GRB2: variants seen among roughly 807,000 people sequenced by gnomAD.
GRB2 encodes the protein growth factor receptor bound protein 2, also known as growth factor receptor-bound protein 2.
In GRB2, 2 loss-of-function variants were observed where a neutral mutation model predicts 27.4. The ratio of observed to expected loss-of-function variants is 0.07; its 90% confidence interval spans 0.03 to 0.23. GRB2 has a LOEUF of 0.23. Ranked by LOEUF, GRB2 falls within the 10% of genes least tolerant of loss-of-function variation. GRB2 has a pLI of 1.00. For synonymous variants in GRB2, 94 were observed against 99.6 expected (o/e 0.94, Z 0.33); for missense variants, 102 against 282.4 (o/e 0.36, Z 4.58).
In GRB2 at chr17:75,405,560, G is replaced by A. The variant is rs2079094786; in HGVS notation, c.-209C>T. 1 of 155,708 alleles carries A rather than the reference G, an allele frequency of 6.4e-6. No individual in the cohort carries two copies. The allele number at this position is 155,708 out of a possible 1,614,324, so 9.6% of individuals were successfully genotyped here. A position where few individuals can be genotyped will look rare whatever the true frequency, so the allele number is the denominator to read the frequency against. ...GCTGCGAGCGGCCGGCGACCCCAAG[G>A]CTGCTCTGCGAGGGCAGCGCTTGCT... On this transcript the variant is annotated 5_prime_UTR_variant, in exon 1 of 6. Transcript: ENST00000316804.
intron 3 of GRB2, among the ~76,000 whole-genome samples, chr17:75,330,339 G>A (rs1653229103): frequency 6.6e-6 from 1 of 151,526 alleles, no homozygotes; most frequent in Non-Finnish European, 1.5e-5. Flanking sequence ...CCGAGATCGC[G>A]CCACAGCACT....
chr17:75,393,792 G>C (rs1006594313), intron 1 of GRB2, 27 bp from the exon 2 acceptor site: 3 of 612,308 alleles, frequency 4.9e-6, no homozygotes, highest in Non-Finnish European at 8.7e-6. Flanking sequence ...ACGATTAAGA[G>C]CAGTGGCCAG....
At chr17:75,365,441 A>C (rs889526360) in intron 2 of GRB2, among the ~76,000 whole-genome samples, 1 of 152,226 alleles carries the variant, frequency 6.6e-6, no homozygotes, top group Non-Finnish European at 1.5e-5. Flanking sequence ...AAAGTCAGCT[A>C]TTCTTTTACT....
chr17:75,404,073 T>C (rs116837316), intron 1 of GRB2, among the ~76,000 whole-genome samples: 4,504 of 149,564 alleles, frequency 0.03, 222 homozygotes, highest in African/African-American at 0.1. Flanking sequence ...TATAGCACCA[T>C]TGCACTCCAG....
At chr17:75,340,541 A>G (rs545035316) in intron 2 of GRB2, among the ~76,000 whole-genome samples, 11 of 152,322 alleles carry the variant, frequency 7.2e-5, no homozygotes, top group Admixed American at 3.9e-4. Context: ...CATGCTTTTA[A>G]AAGACTTTAG....
chr17:75,359,745 C>T (rs1472446545), intron 2 of GRB2, among the ~76,000 whole-genome samples: 1 of 152,108 alleles, frequency 6.6e-6, no homozygotes, highest in African/African-American at 2.4e-5. Context: ...GTTGTTCTCT[C>T]TGCCTAAAAT....
intron 2 of GRB2, among the ~76,000 whole-genome samples, chr17:75,368,116 T>C (rs949154802): frequency 4.6e-5 from 7 of 152,102 alleles, no homozygotes; most frequent in Non-Finnish European, 8.8e-5. Context: ...AGTTTTGCCA[T>C]GTTGGCCAGG....
At chr17:75,368,804 C>G (rs940758197) in intron 2 of GRB2, among the ~76,000 whole-genome samples, 6 of 152,076 alleles carry the variant, frequency 3.9e-5, no homozygotes, top group Admixed American at 2.0e-4. Flanking sequence ...CCTCGGTCTC[C>G]CAAAGTGCTG....
chr17:75,402,029 T>C (rs1226403737), intron 1 of GRB2, among the ~76,000 whole-genome samples: 3 of 152,204 alleles, frequency 2.0e-5, no homozygotes, highest in African/African-American at 4.8e-5. Flanking sequence ...TACATGGAAA[T>C]GCATTTTAAT....
chr17:75,361,999 G>A (rs1473484042), intron 2 of GRB2, among the ~76,000 whole-genome samples: 1 of 151,992 alleles, frequency 6.6e-6, no homozygotes, highest in East Asian at 1.9e-4. Context: ...AGTATGTAAA[G>A]CACTGCTTGT....
chr17:75,370,696 T>C (rs2078849784), intron 2 of GRB2, among the ~76,000 whole-genome samples: 1 of 152,222 alleles, frequency 6.6e-6, no homozygotes, highest in Non-Finnish European at 1.5e-5. Context: ...CCAGGAGGAC[T>C]TCAGTCCTCT....
chr17:75,338,897 C>A, intron 2 of GRB2: 2 of 850,436 alleles, frequency 2.4e-6, no homozygotes, highest in South Asian at 1.3e-5. Flanking sequence ...CACAAAGTGA[C>A]ACAGTACAAG....
chr17:75,363,323 T>C (rs748843223), intron 2 of GRB2, among the ~76,000 whole-genome samples: 4 of 152,158 alleles, frequency 2.6e-5, no homozygotes, highest in Non-Finnish European at 4.4e-5. Flanking sequence ...TTACAGAGGA[T>C]AGGCTACTTT....
chr17:75,382,198 G>C (rs889983979), intron 2 of GRB2, among the ~76,000 whole-genome samples: 6 of 146,682 alleles, frequency 4.1e-5, no homozygotes, highest in Admixed American at 2.8e-4. Flanking sequence ...ACTCCAGCCT[G>C]ATGACAGAGC....
At chr17:75,377,454 C>T (rs4789179) in intron 2 of GRB2, among the ~76,000 whole-genome samples, 7 of 151,668 alleles carry the variant, frequency 4.6e-5, no homozygotes, top group African/African-American at 1.7e-4. Flanking sequence ...GATCTTGTTT[C>T]TACAAAATAC....
chr17:75,381,589 C>T (rs140824500), intron 2 of GRB2, among the ~76,000 whole-genome samples: 2,594 of 151,096 alleles, frequency 0.017, 28 homozygotes, highest in Non-Finnish European at 0.028. Context: ...GGCATGGTGG[C>T]GGGCACCTGT....
At chr17:75,344,944 T>A (rs1003354237) in intron 2 of GRB2, among the ~76,000 whole-genome samples, 9 of 150,904 alleles carry the variant, frequency 6.0e-5, no homozygotes, top group Non-Finnish European at 1.5e-5. Flanking sequence ...CCCTCTAAGG[T>A]CTCCACTCAC....
chr17:75,351,753 C>A (rs2078693917), intron 2 of GRB2, among the ~76,000 whole-genome samples: 1 of 152,178 alleles, frequency 6.6e-6, no homozygotes, highest in Non-Finnish European at 1.5e-5. Flanking sequence ...TGATCCCATT[C>A]TTCGAGAATA....
intron 3 of GRB2, among the ~76,000 whole-genome samples, chr17:75,328,940 A>AAATAAATAAAT (rs1567857331): frequency 6.8e-6 from 1 of 147,020 alleles, no homozygotes; most frequent in African/African-American, 2.5e-5. Context: ...TCGCTTTCAA[A>AAATAAATAAAT]AAATAAATAA....
Sources: allele counts gnomAD v4.1 joint callset (sites outside exome capture counted in the v4.1 genomes callset), GRCh38; gene constraint gnomAD v4.1.1; transcripts MANE v1.5; gene names NCBI Gene and HGNC (gene_info 2026-07-23, HGNC 2026-07-21).